Variants in SLC2A10 observed in about 807,000 individuals in gnomAD.
The protein encoded by SLC2A10 is solute carrier family 2, facilitated glucose transporter member 10.
SLC2A10 carries 25 observed loss-of-function variants against 32.1 expected under a neutral mutation model. That is an observed-to-expected ratio of 0.78 (90% CI 0.57 to 1.09). SLC2A10 has a LOEUF of 1.09. Among genes scored for constraint, SLC2A10 ranks in the 50% least tolerant of loss-of-function variants. The probability of loss-of-function intolerance (pLI) is 0.00; values close to 1 mark genes in which losing one functional copy is unlikely to be tolerated. For missense variants in SLC2A10, 673 were observed against 686.5 expected, an observed-to-expected ratio of 0.98 and a Z score of 0.22; for synonymous variants, 332 against 309.6, an observed-to-expected ratio of 1.07 and a Z score of -0.76.
chr20:46,733,951 C>A lies in SLC2A10; in HGVS notation c.*117C>A. ...TGGTCTTTTGGGAGTGGCCCCTGCC[C>A]CCAAAGGTGGTCTGCTTTTGCTGGG... On this transcript the variant is annotated 3_prime_UTR_variant, in exon 5 of 5. Coordinates refer to ENST00000359271, the MANE Select transcript of SLC2A10 (RefSeq NM_030777.4). The A allele has an allele frequency of 1.1e-6, 1 of 951,362 alleles. No homozygotes were observed. The highest frequency in any genetic ancestry group is 2.6e-5 in the East Asian group (1 of 38,452). The allele number at this position is 951,362 out of a possible 1,614,324, so 58.9% of individuals were successfully genotyped here.
chr20:46,730,473 C>T (rs564583226), intron 4 of SLC2A10, among the ~76,000 whole-genome samples: 33 of 152,168 alleles, frequency 2.2e-4, no homozygotes, highest in African/African-American at 7.7e-4. Context: ...GGAGGGAAGT[C>T]GTCTCAGAGG....
rs1175709533 is a variant in SLC2A10 at position 46,735,211 on chromosome 20, T to A, written c.*1377T>A. On this transcript the variant is annotated 3_prime_UTR_variant, in exon 5 of 5. Transcript: ENST00000359271. The stretch of plus-strand genomic sequence containing the variant: ...GCTAAAATAGATCCTAGGTGCTGGA[T>A]GCTTTGTCATCCATGCGTGCACATA... 6.6e-6 allele frequency: 1 copy of A among 152,616 alleles called. No individual in the cohort carries two copies. Among genetic ancestry groups the A allele is most frequent in the Non-Finnish European group, 1.5e-5 (1 of 68,040 alleles). 9.5% of individuals were successfully genotyped at this position (152,616 alleles called of 1,614,324 possible). A position where few individuals can be genotyped will look rare whatever the true frequency, so the allele number is the denominator to read the frequency against.
intron 1 of SLC2A10, among the ~76,000 whole-genome samples, chr20:46,715,617 G>A (rs1979191277): frequency 6.6e-6 from 1 of 152,174 alleles, no homozygotes; most frequent in Non-Finnish European, 1.5e-5. Context: ...TGGCAGGGGA[G>A]AGGGATGAGC....
At position 46,725,546 on chromosome 20, in the gene SLC2A10, G is replaced by T. The variant is rs80358229; in HGVS notation, c.510G>T (p.Trp170Cys). 1 of 1,614,116 alleles carries T rather than the reference G, an allele frequency of 6.2e-7. No individual in the cohort carries two copies. Among genetic ancestry groups the T allele is most frequent in the South Asian group, 1.1e-5 (1 of 91,074 alleles). Reference protein sequence around the residue: ...TPWGWRHMFGWATAPAVLQSL... With the variant: ...TPWGWRHMFGCATAPAVLQSL... ...GGGGATGGAGGCACATGTTCGGCTG[G>T]GCCACTGCACCTGCTGTCCTGCAAT... The change falls in exon 2 of 5, where the codon TGG becomes TGT. Residue 170 changes from tryptophan to cysteine, a missense_variant. Physicochemically the swap from Trp to Cys is radical, Grantham distance 215. Coordinates refer to ENST00000359271, the MANE Select transcript of SLC2A10 (RefSeq NM_030777.4).
intron 4 of SLC2A10, among the ~76,000 whole-genome samples, chr20:46,729,695 G>A (rs969623766): frequency 6.7e-5 from 9 of 134,404 alleles, no homozygotes; most frequent in Non-Finnish European, 1.4e-4. Flanking sequence ...AGGCTGGAGT[G>A]CAGTGGCGCC....
chr20:46,723,592 G>C (rs1362871493), intron 1 of SLC2A10, among the ~76,000 whole-genome samples: 1 of 152,114 alleles, frequency 6.6e-6, no homozygotes, highest in African/African-American at 2.4e-5. Flanking sequence ...AATAAAAGTA[G>C]ATCACCTCAT....
chr20:46,715,326 T>C (rs906294953), intron 1 of SLC2A10, among the ~76,000 whole-genome samples: 2 of 152,194 alleles, frequency 1.3e-5, no homozygotes, highest in Admixed American at 6.5e-5. Context: ...GTGGAACCTG[T>C]GGGTGGAAGC....
chr20:46,719,537 A>C (rs768596734), intron 1 of SLC2A10, among the ~76,000 whole-genome samples: 1 of 152,228 alleles, frequency 6.6e-6, no homozygotes, highest in Non-Finnish European at 1.5e-5. Context: ...GATTCCCCTT[A>C]TAAAACCATC....
intron 1 of SLC2A10, 179 bp downstream of exon 1, chr20:46,709,919 G>T: frequency 3.2e-6 from 2 of 631,298 alleles, no homozygotes; most frequent in South Asian, 4.1e-5. Context: ...CTGGGACGGG[G>T]CTCGGTCGCG....
rs532793017 is a variant in SLC2A10, at chr20:46,722,399, C to T, written c.5-2642C>T. ...AAGACCGTGGATTCCCATACCTGACCTCCAGAAAGTATTCTTAATATATCA... is the reference window on the plus strand; with the variant it reads ...AAGACCGTGGATTCCCATACCTGACTTCCAGAAAGTATTCTTAATATATCA... On this transcript the variant is annotated intron_variant, in intron 1 of 4. Transcript: ENST00000359271. Among the ~76,000 whole-genome samples the T allele has an allele frequency of 3.3e-5, 5 of 152,326 alleles. No homozygotes were observed. In the East Asian group the frequency reaches 9.6e-4, roughly 29 times the overall value.
intron 4 of SLC2A10, 128 bp from the exon 5 acceptor site, chr20:46,733,621 AAGGCAGG>A: frequency 1.3e-6 from 1 of 751,398 alleles, no homozygotes. Context: ...CATTTGTAAT[AAGGCAGG>A]AGGCAGGAAG....
Position 46,729,480 on chromosome 20 carries a change from GAA to G in SLC2A10, c.1540_1541del (p.Lys514GlufsTer77). On this transcript the variant is annotated frameshift_variant, in exon 4 of 5. Transcript: ENST00000359271. LOFTEE classifies it low-confidence loss of function (END_TRUNC). ...SLAEIDQQFQ[K>X]RRFTLSFGHR... is the part of the protein sequence containing the mutation. ...TGGCAGAGATAGACCAGCAGTTCCA[GAA>G]GAGACGGTAGGAAGCTGACAGGGTG... 1.9e-6 allele frequency: 3 copies of G among 1,614,102 alleles called. No homozygotes were observed. Among genetic ancestry groups the G allele is most frequent in the Non-Finnish European group, 2.5e-6 (3 of 1,180,014 alleles).
intron 1 of SLC2A10, 163 bp downstream of exon 1, chr20:46,709,903 C>T: frequency 4.0e-6 from 3 of 748,674 alleles, no homozygotes; most frequent in South Asian, 3.5e-5. Context: ...AGGCCTGCGG[C>T]GGGGGCTGGG....
Position 46,734,726 on chromosome 20 carries a change from A to C in SLC2A10, c.*892A>C, listed in dbSNP as rs1980486121. The C allele has an allele frequency of 6.6e-6, 1 of 152,396 alleles. No individual in the cohort carries two copies. Among genetic ancestry groups the C allele is most frequent in the South Asian group, 2.1e-4 (1 of 4,818 alleles). 9.4% of individuals were successfully genotyped at this position (152,396 alleles called of 1,614,324 possible). A position where few individuals can be genotyped will look rare whatever the true frequency, so the allele number is the denominator to read the frequency against. On this transcript the variant is annotated 3_prime_UTR_variant, in exon 5 of 5. Coordinates refer to ENST00000359271, the MANE Select transcript of SLC2A10 (RefSeq NM_030777.4). ...GGGCCTCAGTTTCCCCATTTGTATA[A>C]TGGGAAGCCTGTACCAGGTCATTCT... is the stretch of plus-strand genomic sequence containing the variant.
rs372876882 is a variant in SLC2A10, at chr20:46,729,368, C to A, written c.1427C>A (p.Ser476Tyr). 8.7e-6 allele frequency: 14 copies of A among 1,613,304 alleles called. No homozygotes were observed. The highest frequency in any genetic ancestry group is 1.2e-5 in the Non-Finnish European group (14 of 1,179,942). ...CTGTTTCCAGGCACCATCGGCTTGT[C>A]CTGGACCTTCCTGCTCTACGGACTG... is the stretch of plus-strand genomic sequence containing the variant. ...FLDLIGTIGL[S>Y]WTFLLYGLTA... is the part of the protein sequence containing the mutation. The change falls in exon 4 of 5, where the codon TCC becomes TAC. Residue 476 changes from serine to tyrosine, a missense_variant. Physicochemically the swap from Ser to Tyr is moderately radical, Grantham distance 144. Transcript: ENST00000359271.
chr20:46,729,623 GAGTTTTTTTTTTTTTTTT>G, intron 4 of SLC2A10, 135 bp downstream of exon 4: 1 of 436,110 alleles, frequency 2.3e-6, no homozygotes, highest in Non-Finnish European at 3.8e-6. Flanking sequence ...TGGGCACTAT[GAGTTTTTTTTTTTTTTTT>G]TTTTTTTTTT....
In SLC2A10 at chr20:46,726,311, TG is replaced by T; in HGVS notation, c.1278del (p.Phe427LeufsTer4). 3 of 1,609,814 alleles carry T rather than the reference TG, an allele frequency of 1.9e-6. No homozygotes were observed. Among genetic ancestry groups the T allele is most frequent in the Non-Finnish European group, 2.5e-6 (3 of 1,180,012 alleles). ...TGGTCTTTGTCAGTGCCTTCTCCTT[TG>T]GGTTTGGGCCAGGTAAGTGGAGTTT... The part of the protein sequence containing the change: ...LMVFVSAFSF[G>X]FGPVTWLVLS... On this transcript the variant is annotated frameshift_variant, in exon 2 of 5. Coordinates refer to ENST00000359271, the MANE Select transcript of SLC2A10 (RefSeq NM_030777.4). LOFTEE classifies it high-confidence loss of function.
rs199861432 is a variant in SLC2A10 at position 46,725,637 on chromosome 20, C to T, written c.601C>T (p.Leu201Phe). ...ETATHKDLIP[L>F]QGGEAPKLGP... The stretch of plus-strand genomic sequence containing the variant: ...TGCAACACACAAGGACCTCATCCCA[C>T]TCCAGGGAGGTGAGGCCCCCAAGCT... The change falls in exon 2 of 5, where the codon CTC becomes TTC. Residue 201 changes from leucine (L) to phenylalanine (F), a missense_variant. Physicochemically the swap from Leu to Phe is conservative, Grantham distance 22. Coordinates refer to ENST00000359271, the MANE Select transcript of SLC2A10 (RefSeq NM_030777.4). 24 of 1,614,006 alleles carry T rather than the reference C, an allele frequency of 1.5e-5. No homozygotes were observed. Among genetic ancestry groups the T allele is most frequent in the Non-Finnish European group, 2.5e-6 (3 of 1,180,012 alleles).
chr20:46,710,885 T>C (rs999499975), intron 1 of SLC2A10, among the ~76,000 whole-genome samples: 1 of 151,430 alleles, frequency 6.6e-6, no homozygotes, highest in Non-Finnish European at 1.5e-5. Context: ...TTCTTTTTTT[T>C]TTCTTTTTTT....
Sources: gnomAD v4.1 joint callset for allele counts (sites outside exome capture counted in the v4.1 genomes callset) on GRCh38, gnomAD v4.1.1 for gene constraint, MANE v1.5 for transcripts, NCBI Gene and HGNC (gene_info 2026-07-23, HGNC 2026-07-21) for gene names.